CNOT1: variants seen among roughly 807,000 people sequenced by gnomAD.
The protein encoded by CNOT1 is CCR4-associated factor 1.
CNOT1 carries 15 observed loss-of-function variants against 273.8 expected under a neutral mutation model. The ratio of observed to expected loss-of-function variants is 0.05; its 90% CI spans 0.04 to 0.08. The LOEUF is 0.08. Among genes scored for constraint, CNOT1 ranks in the 10% least tolerant of loss-of-function variants. The probability of loss-of-function intolerance (pLI) is 1.00; values close to 1 mark genes in which losing one functional copy is unlikely to be tolerated. For missense variants in CNOT1, 1,644 were observed against 2,912.2 expected, an observed-to-expected ratio of 0.56 and a Z score of 10.02; for synonymous variants, 1,022 against 1,005.5, an observed-to-expected ratio of 1.02 and a Z score of -0.31.
intron 22 of CNOT1, 79 bp downstream of exon 22, chr16:58,553,703 G>C: frequency 6.7e-7 from 1 of 1,490,738 alleles, no homozygotes; most frequent in Non-Finnish European, 8.9e-7. Flanking sequence ...TTACTATCAA[G>C]TCTACAAAAA....
At chr16:58,623,610 G>C (rs956075231) in intron 1 of CNOT1, among the ~76,000 whole-genome samples, 3 of 152,200 alleles carry the variant, frequency 2.0e-5, no homozygotes, top group African/African-American at 7.2e-5. Context: ...GCACAGTGTA[G>C]CCAGGGGAGG....
chr16:58,590,703 T>G (rs559806988), intron 2 of CNOT1, among the ~76,000 whole-genome samples: 1 of 152,280 alleles, frequency 6.6e-6, no homozygotes, highest in South Asian at 2.1e-4. Context: ...AGTTCAAGGT[T>G]ACAGTGAGCT....
chr16:58,528,454 T>C lies in CNOT1; in HGVS notation c.6453+21A>G, dbSNP rs543756827. ...TGAAATATTAAGACATAAGTTTTCCTTTAACTAGTTGGAACCTTACCTTTA... is the reference window on the plus strand; with the variant it reads ...TGAAATATTAAGACATAAGTTTTCCCTTAACTAGTTGGAACCTTACCTTTA... On this transcript the variant is annotated intron_variant, in intron 44 of 48. Coordinates refer to ENST00000317147, the MANE Select transcript of CNOT1 (RefSeq NM_016284.5). The C allele has an allele frequency of 3.8e-5, 61 of 1,585,926 alleles. No homozygotes were observed. The Admixed American group carries it at 1.0e-3, about 27-fold the overall frequency.
At chr16:58,551,013 T>C (rs1361691184) in intron 24 of CNOT1, 119 bp downstream of exon 24, 3 of 1,513,486 alleles carry the variant, frequency 2.0e-6, no homozygotes, top group South Asian at 2.6e-5. Flanking sequence ...TAAATATACA[T>C]ATTCCCTTTG....
Position 58,587,221 on chromosome 16 carries a change from C to T in CNOT1, c.413G>A (p.Ser138Asn). The T allele has an allele frequency of 6.2e-7, 1 of 1,613,596 alleles. No homozygotes were observed. The highest frequency in any genetic ancestry group is 1.1e-5 in the South Asian group (1 of 91,016). The change falls in exon 6 of 49, where the codon AGC (serine) becomes AAC (asparagine). Residue 138 changes from serine (S) to asparagine (N), a missense_variant. By Grantham distance (46) the Ser-to-Asn change is conservative. Transcript: ENST00000317147. ...IFGLALLNSS[S>N]SDLRGFAAQF... ...CTCACCGAAACCTCTAAGATCTGAG[C>T]TGGAAGAATTCAACAGGGCAAGGCC...
At position 58,602,553 on chromosome 16, in the gene CNOT1, C is replaced by CAAAAAAAAAAAA. The variant is rs60230860; in HGVS notation, c.-174-3054_-174-3043dup. 6.2e-4 allele frequency among the ~76,000 whole-genome samples: 36 copies of CAAAAAAAAAAAA among 57,978 alleles called. 1 individual carries two copies. Among genetic ancestry groups the CAAAAAAAAAAAA allele is most frequent in the African/African-American group, 2.8e-3 (34 of 12,180 alleles). 38.0% of individuals were successfully genotyped at this position (57,978 alleles called of 152,430 possible). ...GGGCAACAGAGCAAGACTCTGTCTC[C>CAAAAAAAAAAAA]AAAAAAAAAAAAAAAAAAAAAAAAC... On this transcript the variant is annotated intron_variant, in intron 1 of 48. Coordinates refer to ENST00000317147, the MANE Select transcript of CNOT1 (RefSeq NM_016284.5).
intron 18 of CNOT1, 39 bp downstream of exon 18, chr16:58,558,434 C>T (rs749854721): frequency 2.0e-5 from 32 of 1,611,118 alleles, no homozygotes; most frequent in Non-Finnish European, 2.7e-5. Context: ...CTAAGGCAAA[C>T]TTATGAATAA....
chr16:58,561,592 T>G (rs2040843052), intron 16 of CNOT1, among the ~76,000 whole-genome samples: 1 of 152,170 alleles, frequency 6.6e-6, no homozygotes, highest in Non-Finnish European at 1.5e-5. Flanking sequence ...AATTTTCCTA[T>G]CTTAGGTTGC....
chr16:58,597,056 T>A (rs375316169), intron 2 of CNOT1, among the ~76,000 whole-genome samples: 15 of 151,746 alleles, frequency 9.9e-5, no homozygotes, highest in East Asian at 7.7e-4. Flanking sequence ...CTATTTCTTT[T>A]TTATCAACTG....
In CNOT1 at chr16:58,555,397, G is replaced by A. The variant is rs769095077; in HGVS notation, c.2745C>T (p.Cys915=). ...YPDKELHITA[C]LFGGIIEKGL... is the part of the protein sequence containing the mutation. ...CTTTCTCAATTATACCACCAAATAG[G>A]CAGGCTGTTATATGTAACTCTTTAT... Residue 915 remains cysteine (C), a synonymous_variant, in exon 21 of 49, where the codon TGC becomes TGT. Transcript: ENST00000317147. 6.2e-7 allele frequency: 1 copy of A among 1,614,150 alleles called. No homozygotes were observed. The highest frequency in any genetic ancestry group is 1.7e-5 in the Admixed American group (1 of 60,010).
At chr16:58,564,629 T>A (rs1460465900) in intron 16 of CNOT1, among the ~76,000 whole-genome samples, 2 of 152,212 alleles carry the variant, frequency 1.3e-5, no homozygotes, top group Admixed American at 6.5e-5. Context: ...AATATTCACC[T>A]TTACTATTTA....
At chr16:58,618,336 T>C (rs1035365817) in intron 1 of CNOT1, among the ~76,000 whole-genome samples, 1 of 151,764 alleles carries the variant, frequency 6.6e-6, no homozygotes, top group African/African-American at 2.4e-5. Context: ...GTAATCCCAG[T>C]ACTTTGGGAG....
intron 1 of CNOT1, among the ~76,000 whole-genome samples, chr16:58,603,319 C>T (rs144364662): frequency 7.1e-4 from 108 of 152,126 alleles, no homozygotes; most frequent in Non-Finnish European, 1.1e-3. Flanking sequence ...TGCTTGAACG[C>T]GGGAGTTCAA....
intron 12 of CNOT1, among the ~76,000 whole-genome samples, chr16:58,580,256 GA>G (rs1370367953): frequency 7.6e-5 from 11 of 144,632 alleles, no homozygotes; most frequent in Admixed American, 6.3e-4. Context: ...GAAAAGAAAA[GA>G]AAACTATTAG....
chr16:58,543,856 C>T lies in CNOT1; in HGVS notation c.4185G>A (p.Gln1395=). Residue 1395 remains glutamine (Q), a synonymous_variant, in exon 31 of 49, where the codon CAG becomes CAA. Coordinates refer to ENST00000317147, the MANE Select transcript of CNOT1 (RefSeq NM_016284.5). The part of the protein sequence containing the change: ...AHPQLKQCVR[Q]AIERAVQELV... ...GCTCCTGGACAGCCCGTTCAATTGC[C>T]TGACGCACACACTGCTTCAACTGTG... The T allele has an allele frequency of 6.2e-7, 1 of 1,613,924 alleles. No individual in the cohort carries two copies. Among genetic ancestry groups the T allele is most frequent in the South Asian group, 1.1e-5 (1 of 91,074 alleles).
intron 16 of CNOT1, among the ~76,000 whole-genome samples, chr16:58,564,565 T>C (rs991210457): frequency 5.9e-5 from 9 of 152,334 alleles, no homozygotes; most frequent in Middle Eastern, 3.4e-3. Flanking sequence ...TCAGAAATGT[T>C]AAAGTAGGAA....
In CNOT1 at chr16:58,546,709, T is replaced by C; in HGVS notation, c.3791A>G (p.Asn1264Ser). ...PPNPWTMAIM[N>S]VLAELHQEHD... is the part of the protein sequence containing the mutation. Reference sequence around the variant, plus strand: ...CTCCTGATGTAGCTCAGCTAATACATTCATAATTGCCATTGTCCAAGGGTT... The same window carrying C: ...CTCCTGATGTAGCTCAGCTAATACACTCATAATTGCCATTGTCCAAGGGTT... The change falls in exon 28 of 49, where the codon AAT (asparagine) becomes AGT (serine). Residue 1264 changes from asparagine to serine, a missense_variant. This residue lies in a region of CNOT1 where 124 missense variants were observed against 289.3 expected (regional missense o/e 0.43). Coordinates refer to ENST00000317147, the MANE Select transcript of CNOT1 (RefSeq NM_016284.5). The C allele has an allele frequency of 6.2e-7, 1 of 1,614,004 alleles. No homozygotes were observed. Among genetic ancestry groups the C allele is most frequent in the Non-Finnish European group, 8.5e-7 (1 of 1,179,924 alleles).
intron 21 of CNOT1, among the ~76,000 whole-genome samples, chr16:58,554,547 A>G (rs778497025): frequency 7.9e-5 from 12 of 152,338 alleles, no homozygotes; most frequent in Non-Finnish European, 1.5e-4. Flanking sequence ...CTATACACCT[A>G]AAGGGAAGAC....
At chr16:58,541,666 A>G (rs749288813) in intron 33 of CNOT1, 46 bp from the exon 34 acceptor site, 1 of 1,598,240 alleles carries the variant, frequency 6.3e-7, no homozygotes, top group South Asian at 1.1e-5. Flanking sequence ...TCAATAATCA[A>G]AATAAACTGT....
Sources: gnomAD v4.1 joint callset for allele counts (sites outside exome capture counted in the v4.1 genomes callset) on GRCh38, gnomAD v4.1.1 for gene constraint, gnomAD v4.1.1 regional missense constraint, MANE v1.5 for transcripts, NCBI Gene and HGNC (gene_info 2026-07-23, HGNC 2026-07-21) for gene names.